The following NR3C2 variants were observed in gnomAD, a reference collection of about 807,000 sequenced individuals.
The protein encoded by NR3C2 is mineralocorticoid receptor.
Under a neutral mutation model 86.4 loss-of-function variants are expected in NR3C2, and 15 were observed. The ratio of observed to expected loss-of-function variants is 0.17; its 90% CI spans 0.12 to 0.27. NR3C2 has a LOEUF of 0.27. NR3C2 is among the 10% of genes least tolerant of loss of function. NR3C2 has a pLI of 1.00. For synonymous variants in NR3C2, 458 were observed against 450.5 expected (o/e 1.02, Z -0.21); for missense variants, 960 against 1,195.6 (o/e 0.80, Z 2.91).
At chr4:148,413,946 T>C (rs948587298) in intron 2 of NR3C2, among the ~76,000 whole-genome samples, 1 of 152,162 alleles carries the variant, frequency 6.6e-6, no homozygotes, top group Admixed American at 6.5e-5. Flanking sequence ...AAATTCTACT[T>C]CTAATTATAT....
intron 2 of NR3C2, among the ~76,000 whole-genome samples, chr4:148,266,738 A>C (rs1740415087): frequency 6.6e-6 from 1 of 152,216 alleles, no homozygotes; most frequent in African/African-American, 2.4e-5. Flanking sequence ...AATGGACTGC[A>C]GAAGTCGGTG....
chr4:148,094,938 C>G lies in NR3C2; in HGVS notation c.2800-13439G>C, dbSNP rs1443362663. On this transcript the variant is annotated intron_variant, in intron 8 of 8. Coordinates refer to ENST00000358102, the MANE Select transcript of NR3C2 (RefSeq NM_000901.5). ...AAAAACATTAACTAAGTGAAATGAG[C>G]CAGATAAAAAAGAACAAATACTATA... is the stretch of plus-strand genomic sequence containing the variant. Among the ~76,000 whole-genome samples the G allele has an allele frequency of 2.0e-5, 3 of 151,874 alleles. No homozygotes were observed. The East Asian group carries it at 5.8e-4, about 29-fold the overall frequency.
At chr4:148,243,413 C>A (rs139411198) in intron 3 of NR3C2, among the ~76,000 whole-genome samples, 1,703 of 152,222 alleles carry the variant, frequency 0.011, 26 homozygotes, top group African/African-American at 0.039. Context: ...CTCTTTATTA[C>A]AACTCAGACT....
intron 8 of NR3C2, among the ~76,000 whole-genome samples, chr4:148,106,599 C>A (rs1731810836): frequency 1.3e-5 from 2 of 152,150 alleles, no homozygotes; most frequent in African/African-American, 4.8e-5. Context: ...CATTATGCTG[C>A]CTGAATTCAA....
upstream of NR3C2, chr4:148,444,773 C>G: frequency 1.0e-5 from 10 of 984,868 alleles, no homozygotes; most frequent in Non-Finnish European, 1.2e-5. Context: ...CACCCGCCCG[C>G]CCCCAGCGGC....
Position 148,136,653 on chromosome 4 carries a change from C to CT in NR3C2, c.2510+15815dup, listed in dbSNP as rs200323098. Among the ~76,000 whole-genome samples, 426 of 149,240 alleles carry CT rather than the reference C, an allele frequency of 2.9e-3. 5 individuals are homozygous for CT. The highest frequency in any genetic ancestry group is 0.018 in the East Asian group (91 of 5,114). ...CACTGTAGTCCAGAAGAGTCACCTGCTTTTTTTTTTGAGATGGAGTTTCGC... is the reference window on the plus strand; with the variant it reads ...CACTGTAGTCCAGAAGAGTCACCTGCTTTTTTTTTTTGAGATGGAGTTTCGC... On this transcript the variant is annotated intron_variant, in intron 6 of 8. Transcript: ENST00000358102.
chr4:148,290,119 CG>C (rs920827048), intron 2 of NR3C2, among the ~76,000 whole-genome samples: 2 of 152,060 alleles, frequency 1.3e-5, no homozygotes, highest in African/African-American at 4.8e-5. Context: ...GAGTTTCTTC[CG>C]GGGCCTCTCT....
At chr4:148,444,352 A>C (rs1176976935), upstream of NR3C2, 4 of 984,982 alleles carry the variant, frequency 4.1e-6, no homozygotes, top group East Asian at 4.6e-4. Flanking sequence ...GCCACCCAGC[A>C]CCCTTGCCCC....
At chr4:148,129,590 CTTTA>C (rs568022957) in intron 6 of NR3C2, among the ~76,000 whole-genome samples, 7 of 152,136 alleles carry the variant, frequency 4.6e-5, no homozygotes, top group East Asian at 3.9e-4. Flanking sequence ...CCTGTTATAA[CTTTA>C]TTTATTTATT....
chr4:148,095,448 G>C (rs1303280330), intron 8 of NR3C2, among the ~76,000 whole-genome samples: 3 of 152,216 alleles, frequency 2.0e-5, no homozygotes, highest in Admixed American at 2.0e-4. Context: ...GCTCCCTTCT[G>C]AAAACCCAGG....
At chr4:148,258,054 C>G (rs1400678581) in intron 3 of NR3C2, among the ~76,000 whole-genome samples, 1 of 152,160 alleles carries the variant, frequency 6.6e-6, no homozygotes, top group Non-Finnish European at 1.5e-5. Flanking sequence ...GCAAGAACTT[C>G]TAGAAACCTT....
At chr4:148,096,195 G>A (rs544037206) in intron 8 of NR3C2, among the ~76,000 whole-genome samples, 10 of 152,166 alleles carry the variant, frequency 6.6e-5, no homozygotes, top group Non-Finnish European at 1.2e-4. Flanking sequence ...AGAAGAAAGT[G>A]GAGCTTACAG....
chr4:148,234,204 G>GT (rs1738617880), intron 3 of NR3C2, among the ~76,000 whole-genome samples: 1 of 152,190 alleles, frequency 6.6e-6, no homozygotes, highest in African/African-American at 2.4e-5. Flanking sequence ...TGAATACACT[G>GT]TAACAATATG....
At chr4:148,272,913 G>T (rs544973541) in intron 2 of NR3C2, among the ~76,000 whole-genome samples, 1 of 152,260 alleles carries the variant, frequency 6.6e-6, no homozygotes, top group South Asian at 2.1e-4. Flanking sequence ...AATAGTGATA[G>T]AAAAAGATAA....
chr4:148,177,640 CT>C (rs1450133515), intron 4 of NR3C2, among the ~76,000 whole-genome samples: 1 of 152,214 alleles, frequency 6.6e-6, no homozygotes, highest in Admixed American at 6.5e-5. Context: ...ATGTTTACAA[CT>C]TTGAGAAAAG....
At chr4:148,402,057 T>C in intron 2 of NR3C2, among the ~76,000 whole-genome samples, 1 of 152,184 alleles carries the variant, frequency 6.6e-6, no homozygotes. Context: ...GTACATGATC[T>C]TCAGTATGGA....
At chr4:148,324,872 C>A (rs1275131990) in intron 2 of NR3C2, among the ~76,000 whole-genome samples, 1 of 152,158 alleles carries the variant, frequency 6.6e-6, no homozygotes, top group Non-Finnish European at 1.5e-5. Context: ...TCGTAGAAAT[C>A]TTTTTGTTGT....
At chr4:148,092,661 A>T (rs1227374883) in intron 8 of NR3C2, among the ~76,000 whole-genome samples, 4 of 152,222 alleles carry the variant, frequency 2.6e-5, no homozygotes, top group Non-Finnish European at 5.9e-5. Flanking sequence ...TTGTGGCACC[A>T]ATATTGCAAA....
chr4:148,122,865 C>T (rs1037507454), intron 6 of NR3C2, among the ~76,000 whole-genome samples: 2 of 152,074 alleles, frequency 1.3e-5, no homozygotes, highest in African/African-American at 2.4e-5. Context: ...GATTGTAAAA[C>T]GTGTGTTTGA....
Sources: allele counts gnomAD v4.1 joint callset (sites outside exome capture counted in the v4.1 genomes callset), GRCh38; gene constraint gnomAD v4.1.1; transcripts MANE v1.5; gene names NCBI Gene and HGNC (gene_info 2026-07-23, HGNC 2026-07-21).